XPO7: variants seen among roughly 807,000 people sequenced by gnomAD.
The protein encoded by XPO7 is exportin 7.
In XPO7, 21 loss-of-function variants were observed where a neutral mutation model predicts 144.3. The ratio of observed to expected loss-of-function variants is 0.15; its 90% CI spans 0.10 to 0.21. The LOEUF is 0.21. XPO7 is among the 10% of genes least tolerant of loss of function. The pLI, the probability that XPO7 is intolerant of heterozygous loss-of-function variation, is 1.00. For synonymous variants in XPO7, 580 were observed against 499.6 expected (o/e 1.16, Z -2.15); for missense variants, 808 against 1,325.8 (o/e 0.61, Z 6.06).
chr8:21,977,704 T>A, intron 7 of XPO7, 66 bp from the exon 8 acceptor site: 1 of 1,465,162 alleles, frequency 6.8e-7, no homozygotes, highest in South Asian at 1.2e-5. Context: ...TGTATAGTGC[T>A]GGAAGTATGC....
chr8:21,997,307 CAAT>C lies in XPO7; in HGVS notation c.2346-1445_2346-1443del, dbSNP rs372560174. Among the ~76,000 whole-genome samples the C allele has an allele frequency of 8.6e-5, 13 of 152,012 alleles. 1 individual carries two copies. The East Asian group carries it at 2.1e-3, about 25-fold the overall frequency. ...TGTTACAAATGGTGGGGAAGACACA[CAAT>C]AAAAACAAGTATGGAAGATCTTTCC... On this transcript the variant is annotated intron_variant, in intron 21 of 27. Coordinates refer to ENST00000252512, the MANE Select transcript of XPO7 (RefSeq NM_015024.5).
chr8:21,994,035 A>G (rs1306662797), intron 19 of XPO7, among the ~76,000 whole-genome samples: 1 of 134,128 alleles, frequency 7.5e-6, no homozygotes, highest in African/African-American at 2.8e-5. Context: ...CATGTGATGT[A>G]TTACTTCAAT....
Position 21,990,811 on chromosome 8 carries a change from A to C in XPO7, c.1933A>C (p.Ser645Arg). 6.2e-7 allele frequency: 1 copy of C among 1,613,768 alleles called. No homozygotes were observed. The highest frequency in any genetic ancestry group is 8.5e-7 in the Non-Finnish European group (1 of 1,179,840). The stretch of plus-strand genomic sequence containing the variant: ...TAACTTCTTTTCTTTTTTTCAATAG[A>C]GCGAGCACTTTTCATTTTTGGGTAT... ...AVQFMLNNHT[S>R]EHFSFLGINN... The change falls in exon 18 of 28, where the codon AGC becomes CGC. Residue 645 changes from serine to arginine, a missense_variant and splice_region_variant. Around this residue, in one of 5 missense-constraint regions of XPO7, gnomAD observed 416 missense variants for 612.5 expected, o/e 0.68. Transcript: ENST00000252512.
At chr8:21,954,277 C>G (rs1016559805) in intron 1 of XPO7, among the ~76,000 whole-genome samples, 1 of 152,086 alleles carries the variant, frequency 6.6e-6, no homozygotes, top group African/African-American at 2.4e-5. Flanking sequence ...GGATTCTGTA[C>G]AAAATACACC....
At chr8:21,985,745 C>G in intron 13 of XPO7, 54 bp downstream of exon 13, 1 of 1,481,118 alleles carries the variant, frequency 6.8e-7, no homozygotes, top group South Asian at 1.1e-5. Flanking sequence ...CTTCTCCACT[C>G]CCCGATAGGG....
Position 21,995,483 on chromosome 8 carries a change from C to G in XPO7, c.2238-9C>G, listed in dbSNP as rs1031026982. ...AATCAGAAATCTTTCCTTAGCTTCT[C>G]ATTTACAGATATCCATCCTATATGC... is the stretch of plus-strand genomic sequence containing the variant. On this transcript the variant is annotated splice_polypyrimidine_tract_variant and intron_variant, in intron 20 of 27. Transcript: ENST00000252512. 6.3e-7 allele frequency: 1 copy of G among 1,596,088 alleles called. No individual in the cohort carries two copies. The highest frequency in any genetic ancestry group is 8.6e-7 in the Non-Finnish European group (1 of 1,169,366).
chr8:21,969,670 G>C, intron 3 of XPO7, 94 bp downstream of exon 3: 1 of 1,164,150 alleles, frequency 8.6e-7, no homozygotes, highest in Non-Finnish European at 1.2e-6. Context: ...TCAATGATAT[G>C]CTGAGATTGC....
intron 1 of XPO7, among the ~76,000 whole-genome samples, chr8:21,927,537 C>A (rs1009191847): frequency 6.9e-6 from 1 of 144,768 alleles, no homozygotes; most frequent in East Asian, 2.0e-4. Context: ...AAAAAACCAA[C>A]CTTTTTTTTT....
At chr8:22,001,319 A>G (rs867763591) in intron 24 of XPO7, among the ~76,000 whole-genome samples, 4 of 152,088 alleles carry the variant, frequency 2.6e-5, no homozygotes, top group South Asian at 4.1e-4. Flanking sequence ...AAAAAAAAAA[A>G]AAAGAAAGAA....
At chr8:21,996,850 C>T (rs1812966175) in intron 21 of XPO7, among the ~76,000 whole-genome samples, 1 of 152,024 alleles carries the variant, frequency 6.6e-6, no homozygotes, top group African/African-American at 2.4e-5. Context: ...CTCTTGTCGC[C>T]AGGCTGAAGT....
chr8:21,944,741 CCCTGCCG>C (rs934280086), intron 1 of XPO7, among the ~76,000 whole-genome samples: 44 of 152,178 alleles, frequency 2.9e-4, no homozygotes, highest in Non-Finnish European at 5.4e-4. Flanking sequence ...TTTTCCTAGG[CCCTGCCG>C]CCTTCCGCCT....
intron 6 of XPO7, 135 bp from the exon 7 acceptor site, chr8:21,976,221 C>G (rs1467709716): frequency 2.2e-6 from 2 of 905,846 alleles, no homozygotes; most frequent in Non-Finnish European, 1.7e-6. Flanking sequence ...AGTACCACAT[C>G]TTTGGAGAGA....
intron 1 of XPO7, among the ~76,000 whole-genome samples, chr8:21,944,274 C>CAAAAATA (rs1811085636): frequency 1.3e-5 from 2 of 152,076 alleles, no homozygotes; most frequent in African/African-American, 4.8e-5. Context: ...CACATGCCAT[C>CAAAAATA]AAAAATAAAA....
Position 21,999,087 on chromosome 8 carries a change from T to A in XPO7, c.2429-4T>A. The A allele has an allele frequency of 6.2e-7, 1 of 1,613,984 alleles. No individual in the cohort carries two copies. The highest frequency in any genetic ancestry group is 1.1e-5 in the South Asian group (1 of 91,074). ...GAATAAACATATATGACATGTCTAC[T>A]CAGGCAATCGCATCCTGACACTAGG... On this transcript the variant is annotated splice_polypyrimidine_tract_variant and splice_region_variant and intron_variant, in intron 22 of 27. Coordinates refer to ENST00000252512, the MANE Select transcript of XPO7 (RefSeq NM_015024.5).
intron 1 of XPO7, among the ~76,000 whole-genome samples, chr8:21,949,157 C>T (rs190320377): frequency 6.6e-6 from 1 of 152,230 alleles, no homozygotes; most frequent in Non-Finnish European, 1.5e-5. Context: ...TCAGAAAAAT[C>T]TCATGAACTG....
chr8:21,939,234 T>C (rs1340548418), intron 1 of XPO7, among the ~76,000 whole-genome samples: 4 of 151,688 alleles, frequency 2.6e-5, no homozygotes, highest in Admixed American at 6.6e-5. Context: ...TCTTTTTTTT[T>C]TTTTGAGATG....
chr8:22,004,887 C>T, intron 27 of XPO7, 108 bp from the exon 28 acceptor site: 3 of 624,826 alleles, frequency 4.8e-6, no homozygotes, highest in South Asian at 4.5e-5. Flanking sequence ...GAAACAGAAC[C>T]CATCAATTCA....
chr8:21,936,204 A>C (rs1365225705), intron 1 of XPO7, among the ~76,000 whole-genome samples: 2 of 152,050 alleles, frequency 1.3e-5, no homozygotes, highest in African/African-American at 2.4e-5. Flanking sequence ...GTGGCATGTT[A>C]ATTTTTTTTA....
At chr8:21,931,422 G>A (rs940021999) in intron 1 of XPO7, among the ~76,000 whole-genome samples, 14 of 152,072 alleles carry the variant, frequency 9.2e-5, no homozygotes, top group African/African-American at 3.4e-4. Flanking sequence ...TGGGATTACA[G>A]TCGTGAGCCA....
Sources: gnomAD v4.1 joint callset for allele counts (sites outside exome capture counted in the v4.1 genomes callset) on GRCh38, gnomAD v4.1.1 for gene constraint, gnomAD v4.1.1 regional missense constraint, MANE v1.5 for transcripts, NCBI Gene and HGNC (gene_info 2026-07-23, HGNC 2026-07-21) for gene names.